The following KLHL15 variants were observed in gnomAD, a reference collection of about 807,000 sequenced individuals.
KLHL15 encodes the protein kelch like family member 15.
A neutral mutation model predicts 29.3 loss-of-function variants in KLHL15; 1 was observed. That is an observed-to-expected ratio of 0.03 (90% confidence interval 0.01 to 0.16). KLHL15 has a LOEUF of 0.16. KLHL15 is among the 10% of genes least tolerant of loss of function. The probability of loss-of-function intolerance (pLI) is 1.00; values close to 1 mark genes in which losing one functional copy is unlikely to be tolerated. For synonymous variants in KLHL15, 212 were observed against 184.5 expected (o/e 1.15, Z -1.21); for missense variants, 215 against 478.5 (o/e 0.45, Z 5.14).
chrX:24,007,240 C>T (rs1929463553), intron 2 of KLHL15, among the ~76,000 whole-genome samples: 1 of 108,634 alleles, frequency 9.2e-6, no homozygotes, highest in African/African-American at 3.3e-5. Context: ...CACCTGTAAT[C>T]CCAGCACTTT....
chrX:24,025,573 C>T (rs1324853083), intron 1 of KLHL15, among the ~76,000 whole-genome samples: 3 of 108,414 alleles, frequency 2.8e-5, no homozygotes, highest in Non-Finnish European at 5.8e-5. Flanking sequence ...GGAGGCCCCC[C>T]CCTCGGCCCC....
At chrX:24,008,878 A>AAAAC (rs1555977242) in intron 2 of KLHL15, among the ~76,000 whole-genome samples, 2 of 107,434 alleles carry the variant, frequency 1.9e-5, no homozygotes, top group Admixed American at 1.0e-4. Context: ...TTAGAAAAAA[A>AAAAC]AAAAACAAAA....
chrX:24,022,337 A>G (rs1248337645), intron 2 of KLHL15, among the ~76,000 whole-genome samples: 1 of 91,837 alleles, frequency 1.1e-5, no homozygotes, highest in Non-Finnish European at 2.1e-5. Flanking sequence ...TGTGTCTCAA[A>G]AGATAAAAAA....
intron 2 of KLHL15, among the ~76,000 whole-genome samples, chrX:24,023,672 C>T (rs773952633): frequency 9.1e-4 from 102 of 112,096 alleles, no homozygotes; most frequent in Non-Finnish European, 2.6e-4. Flanking sequence ...ATTTACTATC[C>T]TATTCTTTCC....
intron 3 of KLHL15, among the ~76,000 whole-genome samples, chrX:23,998,057 G>T (rs755490350): frequency 9.0e-6 from 1 of 111,131 alleles, no homozygotes; most frequent in African/African-American, 3.3e-5. Flanking sequence ...CGCCTCCCAG[G>T]TTCAAGTGAT....
In KLHL15 at chrX:24,008,871, G is replaced by GAAAAA. The variant is rs58975658; in HGVS notation, c.-7-2176_-7-2172dup. ...TCTAGCTCTACTCCCACGCGTGTTAGAAAAAAAAAAAACAAAACAAAAAAA... is the reference window on the plus strand; with the variant it reads ...TCTAGCTCTACTCCCACGCGTGTTAGAAAAAAAAAAAAAAAAACAAAACAAAAAAA... On this transcript the variant is annotated intron_variant, in intron 2 of 3. Transcript: ENST00000328046. Among the ~76,000 whole-genome samples the GAAAAA allele has an allele frequency of 1.1e-4, 8 of 74,538 alleles. 1 individual carries two copies. The highest frequency in any genetic ancestry group is 4.4e-4 in the East Asian group (1 of 2,278). The allele number at this position is 74,538 out of a possible 115,157, so 64.7% of individuals were successfully genotyped here.
rs1928975746 is a variant in KLHL15, at chrX:23,985,869, CACTAA to C, written c.*2047_*2051del. The C allele has an allele frequency of 9.0e-6, 1 of 111,341 alleles. No individual in the cohort carries two copies. The highest frequency in any genetic ancestry group is 9.6e-5 in the Admixed American group (1 of 10,400). 9.2% of individuals were successfully genotyped at this position (111,341 alleles called of 1,213,427 possible). On this transcript the variant is annotated 3_prime_UTR_variant, in exon 4 of 4. Transcript: ENST00000328046. ...AAGCAAAATAGCACACATACAAAGC[CACTAA>C]ACTAATGTAGAAAAAAATTAAATGG...
At position 23,987,874 on chromosome X, in the gene KLHL15, GCAAA is replaced by G. The variant is rs779934606; in HGVS notation, c.*43_*46del. The G allele has an allele frequency of 9.0e-7, 1 of 1,110,367 alleles. No individual in the cohort carries two copies. The highest frequency in any genetic ancestry group is 1.2e-6 in the Non-Finnish European group (1 of 826,985). The allele number at this position is 1,110,367 out of a possible 1,213,427, so 91.5% of individuals were successfully genotyped here. On this transcript the variant is annotated 3_prime_UTR_variant, in exon 4 of 4. Coordinates refer to ENST00000328046, the MANE Select transcript of KLHL15 (RefSeq NM_030624.3). Reference sequence around the variant, plus strand: ...TATATGTTTTAATTAATTACTCTGTGCAAACAAATACTTTGTTTGCCTCTTTTTT... The same window carrying G: ...TATATGTTTTAATTAATTACTCTGTGCAAATACTTTGTTTGCCTCTTTTTT...
At chrX:24,003,704 A>G (rs1434188780) in intron 3 of KLHL15, among the ~76,000 whole-genome samples, 1 of 108,989 alleles carries the variant, frequency 9.2e-6, no homozygotes, top group African/African-American at 3.3e-5. Flanking sequence ...CAGTGTTCAG[A>G]TAAACAGTAT....
chrX:24,017,579 G>A (rs1052780601), intron 2 of KLHL15, among the ~76,000 whole-genome samples: 1 of 109,031 alleles, frequency 9.2e-6, no homozygotes, highest in Non-Finnish European at 1.9e-5. Flanking sequence ...TCGGGAGTTC[G>A]AGGCCAGCAT....
At chrX:24,015,722 G>C (rs1929663801) in intron 2 of KLHL15, among the ~76,000 whole-genome samples, 1 of 112,679 alleles carries the variant, frequency 8.9e-6, no homozygotes, top group African/African-American at 3.2e-5. Context: ...ATCTGGACCG[G>C]ACACGGTGGC....
chrX:24,003,368 ACC>A (rs1929371024), intron 3 of KLHL15, among the ~76,000 whole-genome samples: 1 of 100,788 alleles, frequency 9.9e-6, no homozygotes, highest in Non-Finnish European at 2.0e-5. Flanking sequence ...ACACAGTGAA[ACC>A]CCGTCTCTAC....
chrX:24,000,225 C>A (rs777548477), intron 3 of KLHL15, among the ~76,000 whole-genome samples: 4 of 111,791 alleles, frequency 3.6e-5, no homozygotes, highest in Admixed American at 9.6e-5. Context: ...GTGGCTCACA[C>A]CTGTAATCCC....
Position 24,000,210 on chromosome X carries a change from G to A in KLHL15, c.705+5779C>T, listed in dbSNP as rs79568585. On this transcript the variant is annotated intron_variant, in intron 3 of 3. Coordinates refer to ENST00000328046, the MANE Select transcript of KLHL15 (RefSeq NM_030624.3). The stretch of plus-strand genomic sequence containing the variant: ...TCTTTTAAAAAGTTGGCCCGGCCGG[G>A]TATGGTGGCTCACACCTGTAATCCC... Among the ~76,000 whole-genome samples, 89 of 112,048 alleles carry A rather than the reference G, an allele frequency of 7.9e-4. 1 individual carries two copies. In the East Asian group the frequency reaches 0.02, roughly 25 times the overall value.
intron 3 of KLHL15, among the ~76,000 whole-genome samples, chrX:24,004,359 A>G (rs1367942770): frequency 9.0e-6 from 1 of 111,639 alleles, no homozygotes; most frequent in African/African-American, 3.3e-5. Flanking sequence ...AAAACAAAAC[A>G]AAACAAACAA....
chrX:24,001,801 T>TAA (rs1929323208), intron 3 of KLHL15, among the ~76,000 whole-genome samples: 1 of 13,925 alleles, frequency 7.2e-5, no homozygotes. Flanking sequence ...GAGACTTGAC[T>TAA]CAAAAAAAAA....
At chrX:24,026,531 C>T (rs1051139514) in intron 1 of KLHL15, among the ~76,000 whole-genome samples, 3 of 111,259 alleles carry the variant, frequency 2.7e-5, no homozygotes, top group East Asian at 2.8e-4. Context: ...ATCCATTGCC[C>T]ATAGCAGATC....
intron 3 of KLHL15, among the ~76,000 whole-genome samples, chrX:23,989,871 T>A (rs1343610536): frequency 9.1e-6 from 1 of 110,134 alleles, no homozygotes; most frequent in African/African-American, 3.3e-5. Flanking sequence ...CCCAGGCTGG[T>A]CTTGAACTCC....
chrX:24,026,545 A>C (rs923306740), intron 1 of KLHL15, among the ~76,000 whole-genome samples: 2 of 110,754 alleles, frequency 1.8e-5, no homozygotes, highest in African/African-American at 6.6e-5. Context: ...GCAGATCCTA[A>C]ACTGAGGTAT....
Sources: gnomAD v4.1 joint callset for allele counts (sites outside exome capture counted in the v4.1 genomes callset) on GRCh38, gnomAD v4.1.1 for gene constraint, MANE v1.5 for transcripts, NCBI Gene and HGNC (gene_info 2026-07-23, HGNC 2026-07-21) for gene names.